Variants in PIEZO2 observed in about 807,000 individuals in gnomAD.
PIEZO2 encodes the protein piezo-type mechanosensitive ion channel component 2.
In PIEZO2, 172 loss-of-function variants were observed where a neutral mutation model predicts 337.3. The ratio of observed to expected loss-of-function variants is 0.51; its 90% confidence interval spans 0.45 to 0.58. The LOEUF is 0.58. Ranked by LOEUF, PIEZO2 falls within the 20% of genes least tolerant of loss-of-function variation. The pLI is 0.00. For missense variants in PIEZO2, 3,028 were observed against 3,391.3 expected (o/e 0.89, Z 2.66); for synonymous variants, 1,251 against 1,228.5 (o/e 1.02, Z -0.38).
rs2035588391 is a variant in PIEZO2, at chr18:10,706,405, T to C, written c.5589-659A>G. ...ACCCTCGTCCCAGCTCCCTGCACTG[T>C]GCCCAGGGCTTCCCCTTCCCTGTGG... On this transcript the variant is annotated intron_variant, in intron 40 of 55. Transcript: ENST00000674853. Among the ~76,000 whole-genome samples, 4 of 152,216 alleles carry C rather than the reference T, an allele frequency of 2.6e-5. No homozygotes were observed. The South Asian group carries it at 6.2e-4, about 24-fold the overall frequency.
At chr18:10,742,875 T>C (rs764608599) in intron 31 of PIEZO2, among the ~76,000 whole-genome samples, 17 of 152,004 alleles carry the variant, frequency 1.1e-4, no homozygotes, top group Non-Finnish European at 2.1e-4. Flanking sequence ...CTTAATAATA[T>C]GATCAATAAT....
chr18:10,675,160 T>G, intron 54 of PIEZO2, 49 bp downstream of exon 54: 1 of 1,320,268 alleles, frequency 7.6e-7, no homozygotes, highest in East Asian at 2.4e-5. Flanking sequence ...TGAAATTGAA[T>G]AAAACTAGGA....
In PIEZO2 at chr18:10,726,477, C is replaced by T; in HGVS notation, c.5029+4930G>A. The T allele has an allele frequency of 2.0e-6, 3 of 1,522,826 alleles. No individual in the cohort carries two copies. The highest frequency in any genetic ancestry group is 2.0e-5 in the Admixed American group (1 of 49,900). 94.3% of individuals were successfully genotyped at this position (1,522,826 alleles called of 1,614,324 possible). ...GAACCCCACGAGGAGGGCCTGGCCACCCTGCACAGCGTGCTGCTCCGCAAG... is the reference window on the plus strand; with the variant it reads ...GAACCCCACGAGGAGGGCCTGGCCATCCTGCACAGCGTGCTGCTCCGCAAG... On this transcript the variant is annotated intron_variant, in intron 36 of 55. Coordinates refer to ENST00000674853, the MANE Select transcript of PIEZO2 (RefSeq NM_001378183.1). The surrounding 1 kb of genome is among the most constrained non-coding windows in gnomAD (Gnocchi z 5.9).
At chr18:10,960,087 T>A (rs1248453441) in intron 3 of PIEZO2, among the ~76,000 whole-genome samples, 4 of 152,174 alleles carry the variant, frequency 2.6e-5, no homozygotes, top group Admixed American at 2.6e-4. Flanking sequence ...TTTGGGATAT[T>A]GACATCATAA....
In PIEZO2 at chr18:10,859,008, A is replaced by G. The variant is rs1451336092; in HGVS notation, c.493-1797T>C. The stretch of plus-strand genomic sequence containing the variant: ...GGAAGAGATATAGCAATAAACACGT[A>G]AACAAGTAAAATATTAACCAGCTAA... On this transcript the variant is annotated intron_variant, in intron 5 of 55. Coordinates refer to ENST00000674853, the MANE Select transcript of PIEZO2 (RefSeq NM_001378183.1). The surrounding 1 kb of genome is among the most constrained non-coding windows in gnomAD (Gnocchi z 4.9). 6.6e-6 allele frequency among the ~76,000 whole-genome samples: 1 copy of G among 152,248 alleles called. No homozygotes were observed. Among genetic ancestry groups the G allele is most frequent in the African/African-American group, 2.4e-5 (1 of 41,462 alleles).
intron 51 of PIEZO2, 69 bp from the exon 52 acceptor site, chr18:10,680,440 T>C: frequency 7.1e-7 from 1 of 1,402,110 alleles, no homozygotes; most frequent in Non-Finnish European, 9.8e-7. Flanking sequence ...AAGCAGTCAC[T>C]CTTCCTTTTA....
At chr18:11,023,047 G>A (rs2036372808) in intron 2 of PIEZO2, among the ~76,000 whole-genome samples, 1 of 152,102 alleles carries the variant, frequency 6.6e-6, no homozygotes, top group South Asian at 2.1e-4. Context: ...TTGGCTTCAG[G>A]AGTGAAGCTG....
rs1233432411 is a variant in PIEZO2, at chr18:10,795,358, T to C, written c.1528-356A>G. On this transcript the variant is annotated intron_variant, in intron 12 of 55. Coordinates refer to ENST00000674853, the MANE Select transcript of PIEZO2 (RefSeq NM_001378183.1). This position sits in a 1 kb window ranked among gnomAD's most constrained non-coding sequence, Gnocchi z 4.4. ...TTTATTTTATTTTATTTTATTATTT[T>C]ATTTTATTTTATTTTATTTTATTTT... Among the ~76,000 whole-genome samples, 2,352 of 40,652 alleles carry C rather than the reference T, an allele frequency of 0.058. 135 individuals carry two copies. The highest frequency in any genetic ancestry group is 0.15 in the African/African-American group (2,215 of 15,272). The allele number at this position is 40,652 out of a possible 152,430, so 26.7% of individuals were successfully genotyped here.
chr18:10,694,459 T>C (rs1165691339), intron 47 of PIEZO2, among the ~76,000 whole-genome samples: 2 of 152,218 alleles, frequency 1.3e-5, no homozygotes, highest in Non-Finnish European at 2.9e-5. Context: ...TGGCTACAAA[T>C]GACTCAGAGG....
intron 3 of PIEZO2, among the ~76,000 whole-genome samples, chr18:10,914,782 A>T (rs1394329782): frequency 6.6e-6 from 1 of 152,140 alleles, no homozygotes; most frequent in Non-Finnish European, 1.5e-5. Flanking sequence ...TATCCGGTCA[A>T]CAGAATTGAA....
rs543801773 is a variant in PIEZO2 at position 11,033,079 on chromosome 18, C to T, written c.160+33048G>A. On this transcript the variant is annotated intron_variant, in intron 2 of 55. Transcript: ENST00000674853. The surrounding 1 kb of genome is among the most constrained non-coding windows in gnomAD (Gnocchi z 4.2). ...TAATCCTTTTCTGACTGGTCATATA[C>T]GGACAAGAGGAGAGAAACAATAATA... 2.0e-5 allele frequency among the ~76,000 whole-genome samples: 3 copies of T among 152,150 alleles called. No homozygotes were observed. The highest frequency in any genetic ancestry group is 2.1e-4 in the South Asian group (1 of 4,826).
intron 40 of PIEZO2, among the ~76,000 whole-genome samples, 156 bp from the exon 41 acceptor site, chr18:10,705,902 C>T (rs376432364): frequency 6.6e-6 from 1 of 152,234 alleles, no homozygotes; most frequent in Non-Finnish European, 1.5e-5. Flanking sequence ...ATAATCACTC[C>T]TGTTCTGCAG....
chr18:10,993,763 G>A lies in PIEZO2; in HGVS notation c.161-14103C>T, dbSNP rs539237565. On this transcript the variant is annotated intron_variant, in intron 2 of 55. Transcript: ENST00000674853. The surrounding 1 kb of genome is among the most constrained non-coding windows in gnomAD (Gnocchi z 5.0). ...AGGATGGTCTCGATCTCCTGACTTC[G>A]TGATCTGCCCGCTTCGGCCTCCCAA... Among the ~76,000 whole-genome samples, 414 of 152,216 alleles carry A rather than the reference G, an allele frequency of 2.7e-3. 2 individuals carry two copies. The highest frequency in any genetic ancestry group is 9.4e-3 in the African/African-American group (392 of 41,548).
At chr18:10,825,084 G>C (rs540908745) in intron 7 of PIEZO2, among the ~76,000 whole-genome samples, 2 of 152,150 alleles carry the variant, frequency 1.3e-5, no homozygotes, top group East Asian at 3.9e-4. Flanking sequence ...GGCTGGTCTT[G>C]AACTCCTGAC....
rs1156877600 is a variant in PIEZO2, at chr18:11,116,675, A to C, written c.64+31850T>G. ...AGCTTGCAGTGAGCCGAGATCCGCCACCGCACTCCAGCCTGGGCGACAGAA... is the reference window on the plus strand; with the variant it reads ...AGCTTGCAGTGAGCCGAGATCCGCCCCCGCACTCCAGCCTGGGCGACAGAA... On this transcript the variant is annotated intron_variant, in intron 1 of 55. Transcript: ENST00000674853. This position sits in a 1 kb window ranked among gnomAD's most constrained non-coding sequence, Gnocchi z 5.0. Among the ~76,000 whole-genome samples, 1 of 151,754 alleles carries C rather than the reference A, an allele frequency of 6.6e-6. No homozygotes were observed. The highest frequency in any genetic ancestry group is 2.4e-5 in the African/African-American group (1 of 41,276).
intron 11 of PIEZO2, among the ~76,000 whole-genome samples, chr18:10,799,213 A>G (rs1277645014): frequency 1.4e-5 from 2 of 138,434 alleles, no homozygotes; most frequent in African/African-American, 2.4e-5. Context: ...GTGGCCACTC[A>G]CTAAAGGCAC....
At chr18:10,715,378 T>C (rs1395231645) in intron 38 of PIEZO2, among the ~76,000 whole-genome samples, 1 of 152,204 alleles carries the variant, frequency 6.6e-6, no homozygotes, top group Non-Finnish European at 1.5e-5. Context: ...CAAGGCAAAG[T>C]CTGTACACCT....
chr18:10,745,371 C>T (rs957683198), intron 30 of PIEZO2, among the ~76,000 whole-genome samples: 22 of 152,042 alleles, frequency 1.4e-4, no homozygotes, highest in African/African-American at 4.3e-4. Flanking sequence ...AAAAGAAAAC[C>T]GACACACGAC....
chr18:10,967,736 T>C (rs1423625167), intron 3 of PIEZO2, among the ~76,000 whole-genome samples: 3 of 152,208 alleles, frequency 2.0e-5, no homozygotes, highest in South Asian at 4.1e-4. Context: ...CATTTGTATA[T>C]CTTCTTTTGA....
Sources: gnomAD v4.1 joint callset for allele counts (sites outside exome capture counted in the v4.1 genomes callset) on GRCh38, gnomAD v4.1.1 for gene constraint, Gnocchi (gnomAD v3.1) non-coding constraint, MANE v1.5 for transcripts, NCBI Gene and HGNC (gene_info 2026-07-23, HGNC 2026-07-21) for gene names.